ARHGAP6: variants seen among roughly 807,000 people sequenced by gnomAD.
The protein encoded by ARHGAP6 is rho GTPase-activating protein 6.
ARHGAP6 carries 16 observed loss-of-function variants against 55.7 expected under a neutral mutation model. The ratio of observed to expected loss-of-function variants is 0.29; its 90% confidence interval spans 0.19 to 0.44. ARHGAP6 has a LOEUF of 0.44. ARHGAP6 is among the 20% of genes least tolerant of loss of function. ARHGAP6 has a pLI of 1.00. For missense variants in ARHGAP6, 698 were observed against 808.9 expected (o/e 0.86, Z 1.66); for synonymous variants, 382 against 360.9 (o/e 1.06, Z -0.66).
At position 11,591,119 on chromosome X, in the gene ARHGAP6, A is replaced by C. The variant is rs922904981; in HGVS notation, c.588+73122T>G. Among the ~76,000 whole-genome samples the C allele has an allele frequency of 3.4e-3, 364 of 106,512 alleles. 1 individual carries two copies. Among genetic ancestry groups the C allele is most frequent in the Middle Eastern group, 9.6e-3 (2 of 208 alleles). 92.5% of individuals were successfully genotyped at this position (106,512 alleles called of 115,157 possible). On this transcript the variant is annotated intron_variant, in intron 1 of 12. Transcript: ENST00000337414. ...AGGCAGGAGAATCACTTGAACCTGGAAGGCAGAGGTTGCAGTGAGCCGAGA... is the reference window on the plus strand; with the variant it reads ...AGGCAGGAGAATCACTTGAACCTGGCAGGCAGAGGTTGCAGTGAGCCGAGA...
chrX:11,177,978 C>T (rs2046257135), intron 8 of ARHGAP6, 122 bp downstream of exon 8: 11 of 899,004 alleles, frequency 1.2e-5, no homozygotes, highest in Non-Finnish European at 1.6e-5. Flanking sequence ...CCTACAGAGA[C>T]AGCTAGGTTG....
intron 1 of ARHGAP6, among the ~76,000 whole-genome samples, chrX:11,630,684 C>G (rs1218313981): frequency 8.9e-6 from 1 of 112,007 alleles, no homozygotes; most frequent in Non-Finnish European, 1.9e-5. Flanking sequence ...GTTACCTGGA[C>G]AGGCGGAGAA....
At chrX:11,629,308 G>T (rs2052334735) in intron 1 of ARHGAP6, among the ~76,000 whole-genome samples, 1 of 111,314 alleles carries the variant, frequency 9.0e-6, no homozygotes, top group Non-Finnish European at 1.9e-5. Flanking sequence ...GGAAGTGCTT[G>T]ACCTACAAAT....
intron 1 of ARHGAP6, among the ~76,000 whole-genome samples, chrX:11,632,095 G>T (rs111766049): frequency 7.2e-5 from 8 of 111,743 alleles, no homozygotes; most frequent in African/African-American, 2.3e-4. Flanking sequence ...TAAGAGTTAA[G>T]AATATAATAT....
intron 1 of ARHGAP6, among the ~76,000 whole-genome samples, chrX:11,309,995 T>C (rs2048278563): frequency 9.3e-6 from 1 of 108,011 alleles, no homozygotes; most frequent in South Asian, 4.2e-4. Flanking sequence ...GTACAAAAAT[T>C]AAAATAAAAT....
At chrX:11,358,402 G>A (rs925062639) in intron 1 of ARHGAP6, among the ~76,000 whole-genome samples, 18 of 108,948 alleles carry the variant, frequency 1.7e-4, no homozygotes, top group East Asian at 5.7e-4. Flanking sequence ...GAGTTTCTGC[G>A]TCATATGGTA....
intron 1 of ARHGAP6, among the ~76,000 whole-genome samples, chrX:11,283,306 A>C (rs73184331): frequency 3.3e-3 from 367 of 112,261 alleles, no homozygotes; most frequent in Non-Finnish European, 5.4e-3. Flanking sequence ...TGTAGGATAC[A>C]GCTTACAGTC....
chrX:11,461,916 C>T (rs142893866), intron 1 of ARHGAP6, among the ~76,000 whole-genome samples: 319 of 111,819 alleles, frequency 2.9e-3, no homozygotes, highest in Non-Finnish European at 4.8e-3. Flanking sequence ...AAAGAACACC[C>T]TGCAGACTGC....
intron 1 of ARHGAP6, among the ~76,000 whole-genome samples, chrX:11,409,461 G>T (rs781438188): frequency 9.0e-6 from 1 of 111,683 alleles, no homozygotes; most frequent in African/African-American, 3.3e-5. Flanking sequence ...GCTGGAAAAT[G>T]GTTGAAGTGG....
At chrX:11,635,439 AT>A (rs2052407834) in intron 1 of ARHGAP6, among the ~76,000 whole-genome samples, 1 of 111,855 alleles carries the variant, frequency 8.9e-6, no homozygotes, top group Non-Finnish European at 1.9e-5. Flanking sequence ...TTAGAAAAAT[AT>A]CCACTTTATA....
chrX:11,445,891 G>C (rs940575436), intron 1 of ARHGAP6, among the ~76,000 whole-genome samples: 1 of 110,771 alleles, frequency 9.0e-6, no homozygotes, highest in Admixed American at 9.6e-5. Context: ...AGATAGGATG[G>C]GCCATGCACA....
intron 1 of ARHGAP6, among the ~76,000 whole-genome samples, chrX:11,535,386 C>T (rs1009909151): frequency 8.9e-6 from 1 of 112,018 alleles, no homozygotes; most frequent in African/African-American, 3.2e-5. Flanking sequence ...AATGAGTCAG[C>T]AAACTTTAAT....
intron 1 of ARHGAP6, among the ~76,000 whole-genome samples, chrX:11,262,640 G>T (rs2047576326): frequency 9.0e-6 from 1 of 111,517 alleles, no homozygotes; most frequent in South Asian, 3.8e-4. Context: ...AATGATCATT[G>T]TTAAACACGT....
At chrX:11,424,223 T>C (rs1312219651) in intron 1 of ARHGAP6, among the ~76,000 whole-genome samples, 1 of 112,184 alleles carries the variant, frequency 8.9e-6, no homozygotes. Flanking sequence ...CTCAGTTCTG[T>C]CAGCAGCGAC....
At chrX:11,647,096 C>T (rs2052536671) in intron 1 of ARHGAP6, among the ~76,000 whole-genome samples, 1 of 112,134 alleles carries the variant, frequency 8.9e-6, no homozygotes, top group Non-Finnish European at 1.9e-5. Context: ...CCTTCCGATA[C>T]CATACTTTGT....
chrX:11,201,318 AAT>A (rs1306481221), intron 2 of ARHGAP6, among the ~76,000 whole-genome samples: 2 of 112,165 alleles, frequency 1.8e-5, no homozygotes, highest in African/African-American at 6.5e-5. Context: ...AGTAGTAATA[AAT>A]AGTGTTTATT....
intron 1 of ARHGAP6, among the ~76,000 whole-genome samples, chrX:11,382,257 A>G (rs938426482): frequency 2.7e-5 from 3 of 111,750 alleles, no homozygotes; most frequent in Non-Finnish European, 5.6e-5. Context: ...TTAAAATTTT[A>G]AAGTTAGAGG....
intron 1 of ARHGAP6, among the ~76,000 whole-genome samples, chrX:11,277,408 G>A (rs2047787955): frequency 9.0e-6 from 1 of 110,894 alleles, no homozygotes; most frequent in Non-Finnish European, 1.9e-5. Flanking sequence ...TGGAATTGCT[G>A]GATCATATGG....
intron 6 of ARHGAP6, among the ~76,000 whole-genome samples, chrX:11,179,767 T>C (rs200124841): frequency 1.6e-5 from 1 of 63,999 alleles, no homozygotes; most frequent in South Asian, 6.3e-4. Context: ...TATGTATACA[T>C]ATATATATAT....
Sources: gnomAD v4.1 joint callset for allele counts (sites outside exome capture counted in the v4.1 genomes callset) on GRCh38, gnomAD v4.1.1 for gene constraint, MANE v1.5 for transcripts, NCBI Gene and HGNC (gene_info 2026-07-23, HGNC 2026-07-21) for gene names.